The following DOK6 variants were observed in gnomAD, a reference collection of about 807,000 sequenced individuals.
DOK6 encodes the protein downstream of tyrosine kinase 6.
Under a neutral mutation model 44.0 loss-of-function variants are expected in DOK6, and 22 were observed. The ratio of observed to expected loss-of-function variants is 0.50; its 90% confidence interval spans 0.36 to 0.71. DOK6 has a LOEUF of 0.71. Among genes scored for constraint, DOK6 ranks in the 30% least tolerant of loss-of-function variants. The pLI is 0.00. For missense variants in DOK6, 340 were observed against 416.4 expected (o/e 0.82, Z 1.60); for synonymous variants, 166 against 145.5 (o/e 1.14, Z -1.01).
intron 1 of DOK6, among the ~76,000 whole-genome samples, chr18:69,526,825 A>G (rs1024825661): frequency 2.0e-5 from 3 of 152,244 alleles, no homozygotes; most frequent in Non-Finnish European, 4.4e-5. Flanking sequence ...AAGGAAATAT[A>G]TCTGTGTTCA....
At chr18:69,546,327 C>T (rs1403067620) in intron 1 of DOK6, among the ~76,000 whole-genome samples, 14 of 150,638 alleles carry the variant, frequency 9.3e-5, no homozygotes, top group Non-Finnish European at 1.5e-5. Context: ...GATATACATA[C>T]ATATACCTGT....
intron 1 of DOK6, among the ~76,000 whole-genome samples, chr18:69,548,168 T>C (rs1982460018): frequency 6.6e-6 from 1 of 150,848 alleles, no homozygotes; most frequent in Non-Finnish European, 1.5e-5. Context: ...TTAGCCAGGA[T>C]GGTCTCGATC....
chr18:69,608,094 TA>T (rs1984044569), intron 3 of DOK6, among the ~76,000 whole-genome samples: 1 of 152,208 alleles, frequency 6.6e-6, no homozygotes, highest in African/African-American at 2.4e-5. Flanking sequence ...ATAATGAGAA[TA>T]AAACCAAGAT....
At chr18:69,689,741 A>C (rs1483763434) in intron 4 of DOK6, among the ~76,000 whole-genome samples, 1 of 152,192 alleles carries the variant, frequency 6.6e-6, no homozygotes, top group Non-Finnish European at 1.5e-5. Context: ...CCAATATAAA[A>C]GGACTGAATT....
intron 5 of DOK6, among the ~76,000 whole-genome samples, chr18:69,722,127 G>C (rs567654696): frequency 6.6e-6 from 1 of 152,246 alleles, no homozygotes; most frequent in East Asian, 1.9e-4. Context: ...GAAATCATAT[G>C]TTTGGGTCTA....
intron 1 of DOK6, among the ~76,000 whole-genome samples, chr18:69,514,552 A>G (rs1318572613): frequency 7.0e-6 from 1 of 142,378 alleles, no homozygotes; most frequent in Admixed American, 6.7e-5. Flanking sequence ...TGAAAAACAT[A>G]GAGTACATAT....
intron 1 of DOK6, among the ~76,000 whole-genome samples, chr18:69,447,886 C>T (rs17764929): frequency 0.026 from 4,031 of 152,308 alleles, 86 homozygotes; most frequent in Middle Eastern, 0.078. Flanking sequence ...TTCCTTATCT[C>T]AGGTTTCCAG....
chr18:69,498,275 G>A (rs1477627468), intron 1 of DOK6, among the ~76,000 whole-genome samples: 2 of 151,838 alleles, frequency 1.3e-5, no homozygotes, highest in African/African-American at 4.8e-5. Context: ...ATAATAACAA[G>A]TTTGTAAATT....
intron 5 of DOK6, among the ~76,000 whole-genome samples, chr18:69,714,326 C>A (rs1389443785): frequency 6.6e-6 from 1 of 152,188 alleles, no homozygotes; most frequent in Non-Finnish European, 1.5e-5. Context: ...CTGAGCCAGA[C>A]AATGCACACC....
chr18:69,459,802 T>A (rs968665343), intron 1 of DOK6, among the ~76,000 whole-genome samples: 3 of 152,216 alleles, frequency 2.0e-5, no homozygotes, highest in African/African-American at 7.2e-5. Context: ...TTGGCTTGAA[T>A]ATGCAGAGTT....
At chr18:69,701,165 C>A (rs1393679230) in intron 5 of DOK6, among the ~76,000 whole-genome samples, 1 of 152,136 alleles carries the variant, frequency 6.6e-6, no homozygotes, top group African/African-American at 2.4e-5. Flanking sequence ...CCTTCAGTCA[C>A]CCTTGTAATT....
At chr18:69,665,413 C>A (rs1027696178) in intron 3 of DOK6, among the ~76,000 whole-genome samples, 2 of 152,066 alleles carry the variant, frequency 1.3e-5, no homozygotes, top group African/African-American at 4.8e-5. Flanking sequence ...ATTATTTGTA[C>A]CTAATTATAG....
intron 7 of DOK6, among the ~76,000 whole-genome samples, chr18:69,823,440 G>A (rs751634372): frequency 6.6e-6 from 1 of 152,030 alleles, no homozygotes; most frequent in Non-Finnish European, 1.5e-5. Flanking sequence ...GTGTGAGGGC[G>A]AGCATTCCTA....
chr18:69,643,722 A>G (rs1321965836), intron 3 of DOK6: 2 of 152,194 alleles, frequency 1.3e-5, no homozygotes, highest in East Asian at 3.8e-4. Context: ...ATTCATGTGC[A>G]GGATTTATGT....
At chr18:69,454,944 G>T (rs371585346) in intron 1 of DOK6, among the ~76,000 whole-genome samples, 3 of 139,836 alleles carry the variant, frequency 2.1e-5, no homozygotes, top group Non-Finnish European at 3.1e-5. Context: ...AGCATTGGGA[G>T]ATATACCTAA....
chr18:69,637,386 A>G (rs1273340034), intron 3 of DOK6, among the ~76,000 whole-genome samples: 1 of 152,234 alleles, frequency 6.6e-6, no homozygotes, highest in Non-Finnish European at 1.5e-5. Flanking sequence ...AGTAAAAGGA[A>G]ATAAAAAGAT....
At chr18:69,413,560 C>T (rs533411150) in intron 1 of DOK6, among the ~76,000 whole-genome samples, 4 of 151,986 alleles carry the variant, frequency 2.6e-5, no homozygotes, top group Non-Finnish European at 4.4e-5. Context: ...TGAACATCCA[C>T]GAGCAAACTA....
At chr18:69,698,330 A>G in intron 4 of DOK6, 74 bp from the exon 5 acceptor site, 1 of 1,383,726 alleles carries the variant, frequency 7.2e-7, no homozygotes, top group Admixed American at 2.2e-5. Flanking sequence ...GTAGATAAAC[A>G]AATTAATATC....
At chr18:69,807,213 T>C (rs1033920288) in intron 7 of DOK6, among the ~76,000 whole-genome samples, 10 of 151,802 alleles carry the variant, frequency 6.6e-5, no homozygotes, top group Admixed American at 4.6e-4. Context: ...TGTTATCAGC[T>C]TAAAATAACC....
Sources: allele counts gnomAD v4.1 joint callset (sites outside exome capture counted in the v4.1 genomes callset), GRCh38; gene constraint gnomAD v4.1.1; transcripts MANE v1.5; gene names NCBI Gene and HGNC (gene_info 2026-07-23, HGNC 2026-07-21).